Variants in UGT2B10 observed in about 807,000 individuals in gnomAD.
UGT2B10 encodes UDP glucuronosyltransferase family 2 member B10.
Under a neutral mutation model 43.7 loss-of-function variants are expected in UGT2B10, and 51 were observed. That is an observed-to-expected ratio of 1.17 (90% CI 0.93 to 1.47). The LOEUF (loss-of-function observed/expected upper bound fraction) is 1.47. Ranked by LOEUF, UGT2B10 falls within the 40% of genes most tolerant of loss-of-function variation. The probability of loss-of-function intolerance (pLI) is 0.00; values close to 1 mark genes in which losing one functional copy is unlikely to be tolerated. For missense variants in UGT2B10, 696 were observed against 617.7 expected, an observed-to-expected ratio of 1.13 and a Z score of -1.34; for synonymous variants, 225 against 209.0, an observed-to-expected ratio of 1.08 and a Z score of -0.66.
Position 68,816,115 on chromosome 4 carries a change from C to T in UGT2B10, c.96C>T (p.Tyr32=), listed in dbSNP as rs1282096390. ...AGGTGCTGGTATGGGCCGCAGAATA[C>T]AGCCTTTGGATGAATATGAAGACAA... The part of the protein sequence containing the change: ...CGKVLVWAAE[Y]SLWMNMKTIL... The change falls in exon 1 of 6, where the codon TAC becomes TAT. Residue 32 remains tyrosine (Y), a synonymous_variant. Coordinates refer to ENST00000265403, the MANE Select transcript of UGT2B10 (RefSeq NM_001075.6). 1.9e-6 allele frequency: 3 copies of T among 1,613,304 alleles called. No individual in the cohort carries two copies. Among genetic ancestry groups the T allele is most frequent in the African/African-American group, 1.3e-5 (1 of 74,974 alleles).
At chr4:68,822,804 G>A (rs1311703209) in intron 3 of UGT2B10, among the ~76,000 whole-genome samples, 8 of 152,110 alleles carry the variant, frequency 5.3e-5, no homozygotes, top group African/African-American at 1.9e-4. Flanking sequence ...ACTTTCAGGT[G>A]TTTTCAACTA....
intron 3 of UGT2B10, among the ~76,000 whole-genome samples, chr4:68,825,089 G>A (rs1160580523): frequency 6.6e-6 from 1 of 151,938 alleles, no homozygotes; most frequent in African/African-American, 2.4e-5. Flanking sequence ...TCAATCAAAG[G>A]ACAACAGGCT....
chr4:68,830,993 T>G lies in UGT2B10; in HGVS notation c.*114T>G. On this transcript the variant is annotated 3_prime_UTR_variant, in exon 6 of 6. Transcript: ENST00000265403. ...TCTTCCTGTGACAAAAAAAAATCCT[T>G]TCGAAGTCTACCTTGTCAAGTAAAA... 7.1e-7 allele frequency: 1 copy of G among 1,409,630 alleles called. No individual in the cohort carries two copies. 87.3% of individuals were successfully genotyped at this position (1,409,630 alleles called of 1,614,324 possible).
At position 68,831,047 on chromosome 4, in the gene UGT2B10, T is replaced by G; in HGVS notation, c.*168T>G. The G allele has an allele frequency of 3.5e-6, 3 of 845,996 alleles. No homozygotes were observed. The highest frequency in any genetic ancestry group is 1.9e-5 in the South Asian group (1 of 51,334). 52.4% of individuals were successfully genotyped at this position (845,996 alleles called of 1,614,324 possible). On this transcript the variant is annotated 3_prime_UTR_variant, in exon 6 of 6. Coordinates refer to ENST00000265403, the MANE Select transcript of UGT2B10 (RefSeq NM_001075.6). ...TGTTTTTCAGAGATTTACCACCCAG[T>G]TAATGGTTAGAAATATTCTGTGGCA... is the stretch of plus-strand genomic sequence containing the variant.
At position 68,816,147 on chromosome 4, in the gene UGT2B10, A is replaced by G. The variant is rs1437256214; in HGVS notation, c.128A>G (p.Lys43Arg). The change falls in exon 1 of 6, where the codon AAA becomes AGA. Residue 43 changes from lysine to arginine, a missense_variant. Lys to Arg is a conservative substitution (Grantham distance 26). Coordinates refer to ENST00000265403, the MANE Select transcript of UGT2B10 (RefSeq NM_001075.6). The stretch of plus-strand genomic sequence containing the variant: ...TGGATGAATATGAAGACAATCCTGA[A>G]AGAACTTGTTCAGAGAGGTCATGAG... ...SLWMNMKTILKELVQRGHEVT... is the reference protein window; with the variant it reads ...SLWMNMKTILRELVQRGHEVT... 9 of 1,613,268 alleles carry G rather than the reference A, an allele frequency of 5.6e-6. No individual in the cohort carries two copies. Among genetic ancestry groups the G allele is most frequent in the Non-Finnish European group, 7.6e-6 (9 of 1,179,426 alleles).
chr4:68,816,195 C>A lies in UGT2B10; in HGVS notation c.176C>A (p.Ala59Asp). 2 of 1,613,264 alleles carry A rather than the reference C, an allele frequency of 1.2e-6. No homozygotes were observed. The highest frequency in any genetic ancestry group is 1.7e-6 in the Non-Finnish European group (2 of 1,179,454). Residue 59 changes from alanine to aspartate, a missense_variant, in exon 1 of 6, where the codon GCT becomes GAT. Physicochemically the swap from Ala to Asp is moderately radical, Grantham distance 126 (BLOSUM62 -2). Transcript: ENST00000265403. ...GAGGTGACTGTACTGGCATCTTCAG[C>A]TTCCATTCTTTTTGATCCCAACGAC... ...GHEVTVLASS[A>D]SILFDPNDSS...
rs969192286 is a variant in UGT2B10 at position 68,831,065 on chromosome 4, C to T, written c.*186C>T. 5.4e-6 allele frequency: 4 copies of T among 738,346 alleles called. No homozygotes were observed. The highest frequency in any genetic ancestry group is 3.2e-5 in the Admixed American group (1 of 31,590). The allele number at this position is 738,346 out of a possible 1,614,324, so 45.7% of individuals were successfully genotyped here. On this transcript the variant is annotated 3_prime_UTR_variant, in exon 6 of 6. Coordinates refer to ENST00000265403, the MANE Select transcript of UGT2B10 (RefSeq NM_001075.6). ...CACCCAGTTAATGGTTAGAAATATT[C>T]TGTGGCAATGAAGAAAACACTAGGG...
intron 2 of UGT2B10, among the ~76,000 whole-genome samples, chr4:68,819,546 A>T (rs1198750902): frequency 6.6e-6 from 1 of 152,010 alleles, no homozygotes; most frequent in East Asian, 1.9e-4. Flanking sequence ...CATTTAAATC[A>T]TTCTGCATTG....
In UGT2B10 at chr4:68,827,358, C is replaced by T. The variant is rs1737835326; in HGVS notation, c.1117C>T (p.His373Tyr). 1 of 1,613,324 alleles carries T rather than the reference C, an allele frequency of 6.2e-7. No homozygotes were observed. ...GHPKTRAFIT[H>Y]GGANGIYEAI... ...TCCAAAAACCAGAGCTTTTATAACTCATGGTGGAGCCAATGGCATCTATGA... is the reference window on the plus strand; with the variant it reads ...TCCAAAAACCAGAGCTTTTATAACTTATGGTGGAGCCAATGGCATCTATGA... Residue 373 changes from histidine to tyrosine, a missense_variant, in exon 5 of 6, where the codon CAT becomes TAT. His to Tyr is a moderately conservative substitution (Grantham distance 83). Transcript: ENST00000265403.
At chr4:68,824,484 C>G (rs1737668161) in intron 3 of UGT2B10, among the ~76,000 whole-genome samples, 1 of 152,130 alleles carries the variant, frequency 6.6e-6, no homozygotes, top group Non-Finnish European at 1.5e-5. Context: ...GGAACAGGTT[C>G]AGATGCCCCC....
At chr4:68,826,388 G>A in intron 3 of UGT2B10, 22 bp from the exon 4 acceptor site, 3 of 1,600,798 alleles carry the variant, frequency 1.9e-6, no homozygotes, top group Non-Finnish European at 2.6e-6. Context: ...CGTGGAATAA[G>A]ATATTCTCTT....
At chr4:68,829,866 G>A (rs1239134775) in intron 5 of UGT2B10, among the ~76,000 whole-genome samples, 1 of 151,922 alleles carries the variant, frequency 6.6e-6, no homozygotes, top group Admixed American at 6.6e-5. Flanking sequence ...TAACAGAGTT[G>A]GATTTTATTC....
chr4:68,827,549 G>A lies in UGT2B10; in HGVS notation c.1307+1G>A, dbSNP rs201190671. 1.8e-4 allele frequency: 298 copies of A among 1,613,108 alleles called. No homozygotes were observed. The highest frequency in any genetic ancestry group is 3.2e-4 in the African/African-American group (24 of 74,966). ...TGAAGACAGTAATTAATGATCCTTCGTGAGTAGAACAATATTTTTCACTAG... is the reference window on the plus strand; with the variant it reads ...TGAAGACAGTAATTAATGATCCTTCATGAGTAGAACAATATTTTTCACTAG... On this transcript the variant is annotated splice_donor_variant, in intron 5 of 5. Coordinates refer to ENST00000265403, the MANE Select transcript of UGT2B10 (RefSeq NM_001075.6). LOFTEE classifies it high-confidence loss of function.
Position 68,816,393 on chromosome 4 carries a change from T to C in UGT2B10, c.374T>C (p.Phe125Ser), listed in dbSNP as rs1249089759. Residue 125 changes from phenylalanine to serine, a missense_variant, in exon 1 of 6, where the codon TTC (phenylalanine) becomes TCC (serine). By Grantham distance (155) the Phe-to-Ser change is radical. Transcript: ENST00000265403. ...GCAATTAATGACATAATTAGAAACT[T>C]CTGTAAAGATGTAGTTTCAAATAAG... ...LWAINDIIRN[F>S]CKDVVSNKKL... is the part of the protein sequence containing the mutation. 1 of 1,612,588 alleles carries C rather than the reference T, an allele frequency of 6.2e-7. No homozygotes were observed. The highest frequency in any genetic ancestry group is 8.5e-7 in the Non-Finnish European group (1 of 1,179,300).
chr4:68,829,393 A>G (rs1737968194), intron 5 of UGT2B10, among the ~76,000 whole-genome samples: 1 of 152,100 alleles, frequency 6.6e-6, no homozygotes, highest in South Asian at 2.1e-4. Flanking sequence ...GAACTGAACA[A>G]TAGGTAAATT....
In UGT2B10 at chr4:68,831,014, T is replaced by C; in HGVS notation, c.*135T>C. On this transcript the variant is annotated 3_prime_UTR_variant, in exon 6 of 6. Coordinates refer to ENST00000265403, the MANE Select transcript of UGT2B10 (RefSeq NM_001075.6). The stretch of plus-strand genomic sequence containing the variant: ...TCCTTTCGAAGTCTACCTTGTCAAG[T>C]AAAAATTTGTTTTTCAGAGATTTAC... 6.2e-6 allele frequency: 8 copies of C among 1,285,472 alleles called. No individual in the cohort carries two copies. The highest frequency in any genetic ancestry group is 8.4e-6 in the Non-Finnish European group (8 of 949,482). 79.6% of individuals were successfully genotyped at this position (1,285,472 alleles called of 1,614,324 possible). A position where few individuals can be genotyped will look rare whatever the true frequency, so the allele number is the denominator to read the frequency against.
intron 5 of UGT2B10, among the ~76,000 whole-genome samples, chr4:68,828,252 C>A (rs879361897): frequency 8.6e-5 from 13 of 151,916 alleles, no homozygotes; most frequent in Admixed American, 1.3e-4. Flanking sequence ...TGACATTTCA[C>A]CTAGCCTAAT....
Position 68,816,048 on chromosome 4 carries a change from T to G in UGT2B10, c.29T>G (p.Leu10Arg). The G allele has an allele frequency of 6.2e-7, 1 of 1,612,948 alleles. No homozygotes were observed. The change falls in exon 1 of 6, where the codon CTG becomes CGG. Residue 10 changes from leucine (L) to arginine (R), a missense_variant. Physicochemically the swap from Leu to Arg is moderately radical, Grantham distance 102. Coordinates refer to ENST00000265403, the MANE Select transcript of UGT2B10 (RefSeq NM_001075.6). Reference protein sequence around the residue: MALKWTTVLLIQLSFYFSSG... With the variant: MALKWTTVLRIQLSFYFSSG... The stretch of plus-strand genomic sequence containing the variant: ...GCTCTGAAATGGACTACAGTTCTGC[T>G]GATACAACTCAGTTTTTACTTTAGC...
At chr4:68,816,766 A>G (rs1560413476) in intron 1 of UGT2B10, 29 bp downstream of exon 1, 2 of 1,520,312 alleles carry the variant, frequency 1.3e-6, no homozygotes, top group South Asian at 2.6e-5. Flanking sequence ...AGTAACATGA[A>G]GCTCTAACTT....
Sources: allele counts gnomAD v4.1 joint callset (sites outside exome capture counted in the v4.1 genomes callset), GRCh38; gene constraint gnomAD v4.1.1; transcripts MANE v1.5; gene names NCBI Gene and HGNC (gene_info 2026-07-23, HGNC 2026-07-21).